ROBO2: variants seen among roughly 807,000 people sequenced by gnomAD.
ROBO2 encodes roundabout guidance receptor 2.
ROBO2 carries 53 observed loss-of-function variants against 160.8 expected under a neutral mutation model. That is an observed-to-expected ratio of 0.33 (90% CI 0.26 to 0.41). The LOEUF is 0.41. Among genes scored for constraint, ROBO2 ranks in the 10% least tolerant of loss-of-function variants. The pLI, the probability that ROBO2 is intolerant of heterozygous loss-of-function variation, is 1.00. For synonymous variants in ROBO2, 664 were observed against 611.7 expected, an observed-to-expected ratio of 1.09 and a Z score of -1.26; for missense variants, 1,577 against 1,722.4, an observed-to-expected ratio of 0.92 and a Z score of 1.49.
intron 2 of ROBO2, among the ~76,000 whole-genome samples, chr3:76,185,195 G>GATATATATATATATATATATATAT (rs1219580267): frequency 0.047 from 2,062 of 43,776 alleles, 364 homozygotes; most frequent in East Asian, 0.089. Context: ...AGTAAACACA[G>GATATATATATATATATATATATAT]ATATATATAT....
In ROBO2 at chr3:77,219,922, C is replaced by A. The variant is rs540790243; in HGVS notation, c.388+121582C>A. ...ACAAAGTTCTTTAGTAATATGGAAACAATGACATATCCAAGCAGAAGCATA... is the reference window on the plus strand; with the variant it reads ...ACAAAGTTCTTTAGTAATATGGAAAAAATGACATATCCAAGCAGAAGCATA... On this transcript the variant is annotated intron_variant, in intron 2 of 25. Transcript: ENST00000461745. 2.6e-5 allele frequency among the ~76,000 whole-genome samples: 4 copies of A among 151,236 alleles called. No individual in the cohort carries two copies. In the East Asian group the frequency reaches 5.9e-4, roughly 22 times the overall value.
rs1247584945 is a variant in ROBO2 at position 76,910,733 on chromosome 3, AAAAAAAAAAAAG to A, written c.110-187271_110-187260del. Among the ~76,000 whole-genome samples the A allele has an allele frequency of 1.4e-4, 21 of 147,806 alleles. 1 individual carries two copies. The highest frequency in any genetic ancestry group is 4.8e-4 in the African/African-American group (19 of 39,750). ...AGAGTGAAACTCTGTCTCAAAAAAA[AAAAAAAAAAAAG>A]AAAAAAAAAGAAATCATATACATTG... is the stretch of plus-strand genomic sequence containing the variant. On this transcript the variant is annotated intron_variant, in intron 2 of 26. Coordinates refer to the ROBO2 transcript ENST00000487694.
intron 2 of ROBO2, chr3:76,433,913 T>C: frequency 1.6e-6 from 1 of 618,140 alleles, no homozygotes; most frequent in Non-Finnish European, 2.9e-6. Context: ...TCATGACCAT[T>C]TGTGATTTGA....
chr3:76,634,362 G>A (rs559003866), intron 2 of ROBO2, among the ~76,000 whole-genome samples: 69 of 152,298 alleles, frequency 4.5e-4, no homozygotes, highest in African/African-American at 1.6e-3. Context: ...GAGGTCAGGA[G>A]TTCCAGACCA....
At chr3:77,522,611 G>A (rs956744189) in intron 5 of ROBO2, among the ~76,000 whole-genome samples, 164 bp from the exon 6 acceptor site, 2 of 151,386 alleles carry the variant, frequency 1.3e-5, no homozygotes, top group Middle Eastern at 3.4e-3. Flanking sequence ...GAATTTATTA[G>A]CAATATCTTT....
intron 24 of ROBO2, among the ~76,000 whole-genome samples, chr3:77,640,888 A>G (rs1345779652): frequency 6.6e-6 from 1 of 152,222 alleles, no homozygotes; most frequent in Non-Finnish European, 1.5e-5. Context: ...ATATAATTTT[A>G]GGTTAAATTA....
rs149958849 is a variant in ROBO2, at chr3:77,238,798, A to G, written c.388+140458A>G. Among the ~76,000 whole-genome samples, 4 of 152,284 alleles carry G rather than the reference A, an allele frequency of 2.6e-5. No homozygotes were observed. The East Asian group carries it at 7.7e-4, about 29-fold the overall frequency. On this transcript the variant is annotated intron_variant, in intron 2 of 25. Transcript: ENST00000461745. ...CTACATATACTTTCTCCCAGTGTATATTCAGTATCCGCTATGTACATGGCA... is the reference window on the plus strand; with the variant it reads ...CTACATATACTTTCTCCCAGTGTATGTTCAGTATCCGCTATGTACATGGCA...
At chr3:76,743,752 T>C (rs907671464) in intron 2 of ROBO2, among the ~76,000 whole-genome samples, 6 of 151,912 alleles carry the variant, frequency 3.9e-5, no homozygotes, top group African/African-American at 9.7e-5. Context: ...TTAGCACTTA[T>C]ATTGCATGGA....
At chr3:76,968,597 T>C (rs1412934324) in intron 2 of ROBO2, among the ~76,000 whole-genome samples, 1 of 152,176 alleles carries the variant, frequency 6.6e-6, no homozygotes, top group Non-Finnish European at 1.5e-5. Context: ...GTTCAAACTG[T>C]GTTTCCTAGG....
At chr3:76,467,948 T>G (rs2078449792) in intron 2 of ROBO2, among the ~76,000 whole-genome samples, 1 of 152,140 alleles carries the variant, frequency 6.6e-6, no homozygotes, top group African/African-American at 2.4e-5. Flanking sequence ...AAAATTAATT[T>G]TCTTCTAAAT....
At chr3:76,740,199 A>G (rs1313770730) in intron 2 of ROBO2, among the ~76,000 whole-genome samples, 2 of 152,204 alleles carry the variant, frequency 1.3e-5, no homozygotes, top group Non-Finnish European at 2.9e-5. Context: ...CACTTGTACA[A>G]GTTCAATAAG....
chr3:76,130,246 G>T (rs774885608), intron 2 of ROBO2, among the ~76,000 whole-genome samples: 4 of 152,010 alleles, frequency 2.6e-5, no homozygotes, highest in Admixed American at 1.3e-4. Context: ...ACCCAAGAGA[G>T]CAAGACTTGC....
chr3:76,978,747 G>A (rs1418557211), intron 2 of ROBO2, among the ~76,000 whole-genome samples: 1 of 151,772 alleles, frequency 6.6e-6, no homozygotes, highest in Non-Finnish European at 1.5e-5. Context: ...ATAAAATATG[G>A]GTTCACCCTG....
intron 2 of ROBO2, among the ~76,000 whole-genome samples, chr3:77,142,496 C>G (rs1479349444): frequency 6.6e-6 from 1 of 152,176 alleles, no homozygotes; most frequent in Non-Finnish European, 1.5e-5. Context: ...ATCTTAAGGA[C>G]ATGACTATAA....
chr3:77,440,731 C>G (rs948064415), intron 2 of ROBO2, among the ~76,000 whole-genome samples: 38 of 152,124 alleles, frequency 2.5e-4, no homozygotes, highest in Admixed American at 2.5e-3. Context: ...TTCATTCTTA[C>G]TGGGAAAGAA....
intron 2 of ROBO2, among the ~76,000 whole-genome samples, chr3:75,944,268 C>G (rs1948184928): frequency 6.6e-6 from 1 of 152,090 alleles, no homozygotes; most frequent in African/African-American, 2.4e-5. Flanking sequence ...GTACGAGAGC[C>G]TGAACCTTGG....
intron 2 of ROBO2, among the ~76,000 whole-genome samples, chr3:76,559,604 G>A (rs909341114): frequency 7.2e-5 from 11 of 152,092 alleles, no homozygotes; most frequent in African/African-American, 2.7e-4. Flanking sequence ...GCCAAAAGCG[G>A]TGGGATGCTG....
intron 2 of ROBO2, among the ~76,000 whole-genome samples, chr3:76,766,263 G>T (rs1247173668): frequency 1.3e-5 from 2 of 151,656 alleles, no homozygotes; most frequent in East Asian, 2.0e-4. Flanking sequence ...CCTACAATGA[G>T]AATTATCTAT....
chr3:76,806,208 T>C (rs2064691622), intron 2 of ROBO2, among the ~76,000 whole-genome samples: 2 of 82,214 alleles, frequency 2.4e-5, no homozygotes, highest in Non-Finnish European at 5.0e-5. Context: ...GTTTATTTTC[T>C]GTGTGCGTGT....
Sources: gnomAD v4.1 joint callset for allele counts (sites outside exome capture counted in the v4.1 genomes callset) on GRCh38, gnomAD v4.1.1 for gene constraint, MANE v1.5 for transcripts, NCBI Gene and HGNC (gene_info 2026-07-23, HGNC 2026-07-21) for gene names.